Variants in PTK2 observed in about 807,000 individuals in gnomAD.
The protein encoded by PTK2 is focal adhesion kinase 1.
A neutral mutation model predicts 150.1 loss-of-function variants in PTK2; 45 were observed. That is an observed-to-expected ratio of 0.30 (90% CI 0.24 to 0.38). PTK2 has a LOEUF of 0.38. Ranked by LOEUF, PTK2 falls within the 10% of genes least tolerant of loss-of-function variation. The pLI, the probability that PTK2 is intolerant of heterozygous loss-of-function variation, is 1.00. For synonymous variants in PTK2, 432 were observed against 449.2 expected (o/e 0.96, Z 0.48); for missense variants, 919 against 1,307.3 (o/e 0.70, Z 4.58).
At chr8:140,759,492 C>T (rs2100067956) in intron 16 of PTK2, among the ~76,000 whole-genome samples, 1 of 133,200 alleles carries the variant, frequency 7.5e-6, no homozygotes, top group African/African-American at 2.9e-5. Flanking sequence ...CATGATTGTA[C>T]CACTGTACTC....
intron 27 of PTK2, among the ~76,000 whole-genome samples, chr8:140,679,375 C>G (rs2100015811): frequency 6.6e-6 from 1 of 151,816 alleles, no homozygotes; most frequent in African/African-American, 2.4e-5. Flanking sequence ...CTGGTTGATA[C>G]TCGGGTAACA....
At chr8:140,716,306 C>T (rs1203768098) in intron 23 of PTK2, among the ~76,000 whole-genome samples, 3 of 152,114 alleles carry the variant, frequency 2.0e-5, no homozygotes, top group Non-Finnish European at 4.4e-5. Flanking sequence ...TAAAAATAGG[C>T]AAACTTGTAA....
intron 1 of PTK2, among the ~76,000 whole-genome samples, chr8:140,949,043 C>T: frequency 6.6e-6 from 1 of 151,748 alleles, no homozygotes; most frequent in East Asian, 1.9e-4. Flanking sequence ...CCTCCTCCTC[C>T]TCCTCAGCCT....
intron 1 of PTK2, among the ~76,000 whole-genome samples, chr8:140,996,176 T>C (rs1374702280): frequency 1.3e-5 from 2 of 152,224 alleles, no homozygotes; most frequent in Non-Finnish European, 2.9e-5. Flanking sequence ...AGCCATAACA[T>C]TCCCTTGACC....
chr8:140,894,074 C>A (rs2100155142), intron 2 of PTK2, among the ~76,000 whole-genome samples: 1 of 152,096 alleles, frequency 6.6e-6, no homozygotes, highest in South Asian at 2.1e-4. Flanking sequence ...ATACCATACT[C>A]CCCCCAATGT....
chr8:140,958,455 G>A (rs2100181954), intron 1 of PTK2, among the ~76,000 whole-genome samples: 1 of 151,962 alleles, frequency 6.6e-6, no homozygotes, highest in Non-Finnish European at 1.5e-5. Context: ...AATGTCTTTT[G>A]AGGAATATGA....
At chr8:140,989,349 G>A (rs985543355) in intron 1 of PTK2, among the ~76,000 whole-genome samples, 1 of 151,230 alleles carries the variant, frequency 6.6e-6, no homozygotes, top group Non-Finnish European at 1.5e-5. Flanking sequence ...AGCTATGACT[G>A]CACCACTGCA....
rs887477863 is a variant in PTK2, at chr8:140,769,024, A to C, written c.1178-4734T>G. On this transcript the variant is annotated intron_variant, in intron 14 of 31. Transcript: ENST00000522684. ...TAAAGTTTCATGCAAGCAGTATATG[A>C]AGTAGATGGGAAATGTAAGACATAG... Among the ~76,000 whole-genome samples, 15 of 152,308 alleles carry C rather than the reference A, an allele frequency of 9.8e-5. No homozygotes were observed. In the East Asian group the frequency reaches 1.2e-3, roughly 12 times the overall value.
intron 2 of PTK2, among the ~76,000 whole-genome samples, chr8:140,898,237 C>T (rs1452546041): frequency 6.6e-6 from 1 of 152,204 alleles, no homozygotes; most frequent in Non-Finnish European, 1.5e-5. Flanking sequence ...TATCAAATTG[C>T]TGTAAGGTGT....
chr8:140,803,931 G>T (rs1451453235), intron 10 of PTK2, among the ~76,000 whole-genome samples: 1 of 152,204 alleles, frequency 6.6e-6, no homozygotes, highest in Non-Finnish European at 1.5e-5. Flanking sequence ...GAGAACAGAA[G>T]ATAAAGGAGG....
At chr8:140,879,413 T>C (rs1036265542) in intron 4 of PTK2, 58 bp downstream of exon 4, 4 of 1,490,526 alleles carry the variant, frequency 2.7e-6, no homozygotes, top group Non-Finnish European at 3.6e-6. Context: ...CTTGTGCATG[T>C]TTTTAAAAAG....
chr8:140,878,733 G>A lies in PTK2; in HGVS notation c.362+738C>T, dbSNP rs2100147137. 2.0e-5 allele frequency among the ~76,000 whole-genome samples: 3 copies of A among 151,432 alleles called. No homozygotes were observed. In the South Asian group the frequency reaches 6.2e-4, roughly 32 times the overall value. ...CAATTATCTTTATTTCTGTAGCATT[G>A]CCTATAAAAATTAGAACCCTAGTGA... On this transcript the variant is annotated intron_variant, in intron 4 of 31. Coordinates refer to ENST00000522684, the Ensembl canonical transcript of PTK2.
intron 1 of PTK2, among the ~76,000 whole-genome samples, chr8:140,938,652 G>A (rs1449043465): frequency 6.6e-6 from 1 of 152,170 alleles, no homozygotes; most frequent in Non-Finnish European, 1.5e-5. Context: ...CAGCTCAGTG[G>A]TACAAAACAA....
intron 14 of PTK2, among the ~76,000 whole-genome samples, chr8:140,773,705 T>TCTTA (rs1273476643): frequency 6.6e-6 from 1 of 152,146 alleles, no homozygotes; most frequent in Non-Finnish European, 1.5e-5. Flanking sequence ...GTCTAAGACC[T>TCTTA]CTTAGCTCCT....
At chr8:140,674,341 G>A (rs542542126) in exon 29 of PTK2, 2 of 1,608,050 alleles carry the variant, frequency 1.2e-6, no homozygotes, top group South Asian at 2.2e-5. Flanking sequence ...GCTGAGGCTG[G>A]CAAGGCTTCC....
Position 140,676,897 on chromosome 8 carries a change from C to G in PTK2, c.2563-1398G>C, listed in dbSNP as rs140291617. On this transcript the variant is annotated intron_variant, in intron 27 of 31. Coordinates refer to ENST00000522684, the Ensembl canonical transcript of PTK2. ...CGGAAATTGCAGTGAGCCGAGATCA[C>G]GTCACTGCACTTCAGCCTGGGCAAC... 4.3e-5 allele frequency among the ~76,000 whole-genome samples: 6 copies of G among 140,530 alleles called. No individual in the cohort carries two copies. In the East Asian group the frequency reaches 8.2e-4, roughly 19 times the overall value. The allele number at this position is 140,530 out of a possible 152,430, so 92.2% of individuals were successfully genotyped here.
intron 21 of PTK2, among the ~76,000 whole-genome samples, chr8:140,737,675 A>G (rs1281427085): frequency 6.6e-6 from 1 of 152,246 alleles, no homozygotes; most frequent in East Asian, 1.9e-4. Context: ...TTGAGTGGAA[A>G]GCAAGGACAA....
At chr8:140,675,533 G>A (rs1449569398) in intron 27 of PTK2, 34 bp from the exon 31 acceptor site, 12 of 1,523,864 alleles carry the variant, frequency 7.9e-6, no homozygotes, top group South Asian at 2.3e-5. Flanking sequence ...CAATGCACTG[G>A]TATATACACT....
chr8:140,720,057 G>C (rs755649751), intron 22 of PTK2, among the ~76,000 whole-genome samples: 91 of 152,222 alleles, frequency 6.0e-4, no homozygotes, highest in Admixed American at 1.6e-3. Flanking sequence ...CAGGCACTGG[G>C]GGTGGTTTGG....
Sources: gnomAD v4.1 joint callset for allele counts (sites outside exome capture counted in the v4.1 genomes callset) on GRCh38, gnomAD v4.1.1 for gene constraint, MANE v1.5 for transcripts, NCBI Gene and HGNC (gene_info 2026-07-23, HGNC 2026-07-21) for gene names.